FAM120A: variants seen among roughly 807,000 people sequenced by gnomAD.
FAM120A encodes the protein constitutive coactivator of PPAR-gamma-like protein 1.
A neutral mutation model predicts 109.7 loss-of-function variants in FAM120A; 15 were observed. That is an observed-to-expected ratio of 0.14 (90% confidence interval 0.09 to 0.21). The LOEUF is 0.21. Ranked by LOEUF, FAM120A falls within the 10% of genes least tolerant of loss-of-function variation. The pLI is 1.00. For missense variants in FAM120A, 899 were observed against 1,439.3 expected (o/e 0.62, Z 6.07); for synonymous variants, 493 against 572.8 (o/e 0.86, Z 1.99).
intron 9 of FAM120A, chr9:93,529,788 CT>C: frequency 1.6e-6 from 1 of 616,050 alleles, no homozygotes; most frequent in South Asian, 2.0e-5. Context: ...AAAAGTCTCA[CT>C]TTTTTCCTTC....
At chr9:93,471,495 T>C in intron 2 of FAM120A, 108 bp downstream of exon 2, 2 of 1,396,292 alleles carry the variant, frequency 1.4e-6, no homozygotes, top group Admixed American at 2.0e-5. Context: ...TATCACACAT[T>C]GAAAAGAACC....
chr9:93,458,272 G>A (rs1045590124), intron 1 of FAM120A, among the ~76,000 whole-genome samples: 15 of 151,884 alleles, frequency 9.9e-5, no homozygotes, highest in African/African-American at 2.9e-4. Flanking sequence ...ACTTCTGAAC[G>A]CTGTGTCCCT....
chr9:93,510,907 G>A (rs556426085), intron 5 of FAM120A, among the ~76,000 whole-genome samples: 128 of 151,390 alleles, frequency 8.5e-4, no homozygotes, highest in Non-Finnish European at 1.5e-3. Flanking sequence ...GAATGATGCC[G>A]TATCTCGTGA....
chr9:93,511,142 G>A (rs190236195), intron 5 of FAM120A, among the ~76,000 whole-genome samples: 49 of 152,082 alleles, frequency 3.2e-4, no homozygotes, highest in African/African-American at 1.1e-3. Context: ...CCGCTGTTCC[G>A]AATTCTTTCA....
In FAM120A at chr9:93,471,122, T is replaced by C. The variant is rs1858292041; in HGVS notation, c.475-19T>C. 6.2e-7 allele frequency: 1 copy of C among 1,613,166 alleles called. No homozygotes were observed. Among genetic ancestry groups the C allele is most frequent in the Admixed American group, 1.7e-5 (1 of 59,940 alleles). On this transcript the variant is annotated intron_variant, in intron 1 of 17. Coordinates refer to ENST00000277165, the MANE Select transcript of FAM120A (RefSeq NM_014612.5). The stretch of plus-strand genomic sequence containing the variant: ...CAGTGTTACCCTACATCTGATGAAG[T>C]TTTTTTCTCGTTTGCCAGGTTGCAC...
chr9:93,498,505 C>T lies in FAM120A; in HGVS notation c.934-285C>T, dbSNP rs757453519. Reference sequence around the variant, plus strand: ...TTCCTCTCTGGGCAGGACCAGAGACCGAGCAGAGTGGAAGTCAGGGAAGTC... The same window carrying T: ...TTCCTCTCTGGGCAGGACCAGAGACTGAGCAGAGTGGAAGTCAGGGAAGTC... On this transcript the variant is annotated intron_variant, in intron 4 of 17. Coordinates refer to ENST00000277165, the MANE Select transcript of FAM120A (RefSeq NM_014612.5). The surrounding 1 kb of genome is among the most constrained non-coding windows in gnomAD (Gnocchi z 4.4). Among the ~76,000 whole-genome samples, 8 of 152,270 alleles carry T rather than the reference C, an allele frequency of 5.3e-5. No homozygotes were observed. The highest frequency in any genetic ancestry group is 2.1e-4 in the South Asian group (1 of 4,818).
chr9:93,545,233 G>A (rs12349453), intron 11 of FAM120A, among the ~76,000 whole-genome samples: 5,585 of 152,202 alleles, frequency 0.037, 336 homozygotes, highest in African/African-American at 0.13. Flanking sequence ...GAGGTTCTGT[G>A]CTGCAGGAAC....
intron 3 of FAM120A, among the ~76,000 whole-genome samples, chr9:93,489,222 G>T (rs1859205629): frequency 6.6e-6 from 1 of 152,050 alleles, no homozygotes; most frequent in African/African-American, 2.4e-5. Flanking sequence ...CCACTCACCT[G>T]GTTGGCTGTG....
At position 93,564,669 on chromosome 9, in the gene FAM120A, C is replaced by A; in HGVS notation, c.*129C>A. 1 of 691,886 alleles carries A rather than the reference C, an allele frequency of 1.4e-6. No individual in the cohort carries two copies. The highest frequency in any genetic ancestry group is 2.3e-6 in the Non-Finnish European group (1 of 435,508). The allele number at this position is 691,886 out of a possible 1,614,324, so 42.9% of individuals were successfully genotyped here. A position where few individuals can be genotyped will look rare whatever the true frequency, so the allele number is the denominator to read the frequency against. ...GAGAAAAATGAGGACTTTGGAAATTCAGATCCCTCTTTGATATCAGAGATT... is the reference window on the plus strand; with the variant it reads ...GAGAAAAATGAGGACTTTGGAAATTAAGATCCCTCTTTGATATCAGAGATT... On this transcript the variant is annotated 3_prime_UTR_variant, in exon 18 of 18. Transcript: ENST00000277165.
chr9:93,499,331 A>G (rs1198432579), intron 5 of FAM120A, among the ~76,000 whole-genome samples: 5 of 150,544 alleles, frequency 3.3e-5, no homozygotes, highest in African/African-American at 1.2e-4. Context: ...ACTGTCGCCC[A>G]GGCTGGAGTG....
At position 93,497,604 on chromosome 9, in the gene FAM120A, A is replaced by C; in HGVS notation, c.933+5A>C. On this transcript the variant is annotated splice_donor_5th_base_variant and intron_variant, in intron 4 of 17. Coordinates refer to ENST00000277165, the MANE Select transcript of FAM120A (RefSeq NM_014612.5). ...GATGTTTTCCAGCATTCACAGGTAA[A>C]AAAAAAAACAAACAAAACAAAAAAA... 3.1e-6 allele frequency: 5 copies of C among 1,590,936 alleles called. No homozygotes were observed. Among genetic ancestry groups the C allele is most frequent in the Non-Finnish European group, 4.3e-6 (5 of 1,172,810 alleles).
chr9:93,544,876 C>T (rs1861826362), intron 11 of FAM120A, among the ~76,000 whole-genome samples: 2 of 152,138 alleles, frequency 1.3e-5, no homozygotes, highest in East Asian at 1.9e-4. Context: ...TGTGGCTTCT[C>T]CGTGTGGTGC....
chr9:93,520,991 C>T (rs928528492), intron 7 of FAM120A, among the ~76,000 whole-genome samples: 4 of 152,180 alleles, frequency 2.6e-5, no homozygotes, highest in Non-Finnish European at 2.9e-5. Context: ...TGTCTTTGTA[C>T]TGTACAGTTC....
chr9:93,452,188 G>A lies in FAM120A; in HGVS notation c.273G>A (p.Glu91=). The change falls in exon 1 of 18, where the codon GAG becomes GAA. Residue 91 remains glutamate, a synonymous_variant. Coordinates refer to ENST00000277165, the MANE Select transcript of FAM120A (RefSeq NM_014612.5). The surrounding 1 kb of genome is among the most constrained non-coding windows in gnomAD (Gnocchi z 7.0). ...LAKACFGGNI[E]LFVFFNGALE... is the part of the protein sequence containing the mutation. ...AGGCCTGCTTCGGCGGCAACATCGA[G>A]CTCTTCGTCTTCTTCAACGGCGCGC... 1 of 1,612,078 alleles carries A rather than the reference G, an allele frequency of 6.2e-7. No individual in the cohort carries two copies. The highest frequency in any genetic ancestry group is 8.5e-7 in the Non-Finnish European group (1 of 1,179,812).
At chr9:93,468,349 C>T (rs1448902251) in intron 1 of FAM120A, among the ~76,000 whole-genome samples, 2 of 152,236 alleles carry the variant, frequency 1.3e-5, no homozygotes, top group African/African-American at 4.8e-5. Flanking sequence ...CTGCCAGCAC[C>T]AAGCTAGACC....
chr9:93,509,558 G>A (rs1211565621), intron 5 of FAM120A, among the ~76,000 whole-genome samples: 1 of 152,148 alleles, frequency 6.6e-6, no homozygotes, highest in Non-Finnish European at 1.5e-5. Context: ...TTATTTTCAT[G>A]AGGTATTCAA....
chr9:93,494,212 T>C (rs1859469832), intron 3 of FAM120A, among the ~76,000 whole-genome samples: 1 of 152,234 alleles, frequency 6.6e-6, no homozygotes, highest in South Asian at 2.1e-4. Context: ...AATCGGACTT[T>C]GGATTTGTGC....
intron 10 of FAM120A, among the ~76,000 whole-genome samples, chr9:93,534,391 G>A (rs939382352): frequency 5.3e-5 from 8 of 152,106 alleles, no homozygotes; most frequent in African/African-American, 1.7e-4. Context: ...CCATCCTGTG[G>A]CTCCTTTTCT....
At chr9:93,473,346 C>T (rs550815582) in intron 2 of FAM120A, among the ~76,000 whole-genome samples, 1 of 152,166 alleles carries the variant, frequency 6.6e-6, no homozygotes, top group African/African-American at 2.4e-5. Flanking sequence ...TACTCTGTTG[C>T]CTAGAGTGGA....
Sources: gnomAD v4.1 joint callset for allele counts (sites outside exome capture counted in the v4.1 genomes callset) on GRCh38, gnomAD v4.1.1 for gene constraint, Gnocchi (gnomAD v3.1) non-coding constraint, MANE v1.5 for transcripts, NCBI Gene and HGNC (gene_info 2026-07-23, HGNC 2026-07-21) for gene names.